PRIM1: variants seen among roughly 807,000 people sequenced by gnomAD.
PRIM1 encodes DNA primase small subunit.
In PRIM1, 38 loss-of-function variants were observed where a neutral mutation model predicts 60.2. The ratio of observed to expected loss-of-function variants is 0.63; its 90% CI spans 0.49 to 0.83. The LOEUF (loss-of-function observed/expected upper bound fraction) is 0.83, where lower values mean the gene tolerates loss of function less well. Ranked by LOEUF, PRIM1 falls within the 40% of genes least tolerant of loss-of-function variation. The probability of loss-of-function intolerance (pLI) is 0.00; values close to 1 mark genes in which losing one functional copy is unlikely to be tolerated. For synonymous variants in PRIM1, 158 were observed against 160.2 expected (o/e 0.99, Z 0.10); for missense variants, 388 against 506.2 (o/e 0.77, Z 2.24).
Position 56,743,149 on chromosome 12 carries a change from C to T in PRIM1, c.639-53G>A, listed in dbSNP as rs570473663. ...CCCAACACTATCAGTAACACATATG[C>T]CACATAGGTATTGCTGCCATTGTGG... is the stretch of plus-strand genomic sequence containing the variant. On this transcript the variant is annotated intron_variant, in intron 6 of 12. Coordinates refer to ENST00000338193, the MANE Select transcript of PRIM1 (RefSeq NM_000946.3). 11 of 1,435,002 alleles carry T rather than the reference C, an allele frequency of 7.7e-6. No homozygotes were observed. In the African/African-American group the frequency reaches 8.9e-5, roughly 12 times the overall value. 88.9% of individuals were successfully genotyped at this position (1,435,002 alleles called of 1,614,324 possible). A position where few individuals can be genotyped will look rare whatever the true frequency, so the allele number is the denominator to read the frequency against.
In PRIM1 at chr12:56,746,147, A is replaced by G; in HGVS notation, c.477T>C (p.Tyr159=). 1 of 1,613,254 alleles carries G rather than the reference A, an allele frequency of 6.2e-7. No homozygotes were observed. Among genetic ancestry groups the G allele is most frequent in the African/African-American group, 1.3e-5 (1 of 75,012 alleles). The change falls in exon 5 of 13, where the codon TAT becomes TAC. Residue 159 remains tyrosine (Y), a synonymous_variant. Transcript: ENST00000338193. ...DFGFKHRLWV[Y]SGRRGVHCWV... is the part of the protein sequence containing the mutation. ...AACAATGAACACCTCTCCTTCCAGA[A>G]TATACCCAGAGACGATGCTTAAATC...
chr12:56,752,163 T>G, intron 1 of PRIM1, 33 bp downstream of exon 1: 1 of 1,485,922 alleles, frequency 6.7e-7, no homozygotes, highest in Non-Finnish European at 9.2e-7. Flanking sequence ...CTCCTCACAC[T>G]CCGCTCCCGA....
At chr12:56,734,288 C>T in intron 11 of PRIM1, 43 bp from the exon 12 acceptor site, 1 of 1,233,186 alleles carries the variant, frequency 8.1e-7, no homozygotes, top group Non-Finnish European at 1.2e-6. Flanking sequence ...ATACTGGCAG[C>T]AAGAATAACA....
intron 10 of PRIM1, 41 bp downstream of exon 10, chr12:56,739,253 A>G: frequency 7.2e-7 from 1 of 1,381,856 alleles, no homozygotes. Flanking sequence ...AATTCATAAC[A>G]ACAATTACAA....
intron 5 of PRIM1, among the ~76,000 whole-genome samples, chr12:56,745,231 G>A (rs1029866940): frequency 1.6e-4 from 24 of 151,960 alleles, no homozygotes; most frequent in African/African-American, 5.6e-4. Flanking sequence ...GGGCAATATA[G>A]TGAGACCTTG....
At chr12:56,751,966 G>GTTT (rs66861394) in intron 1 of PRIM1, among the ~76,000 whole-genome samples, 30 of 79,346 alleles carry the variant, frequency 3.8e-4, no homozygotes, top group African/African-American at 1.3e-3. Flanking sequence ...CGGCGGCTCT[G>GTTT]TTTTTTTTTT....
In PRIM1 at chr12:56,731,722, T is replaced by C; in HGVS notation, c.1256A>G (p.Asp419Gly). ...ELLKKSDLQK[D>G]F ...GTTTGAGGAGCTCTGTCTTCAGAAATCTTTTTGTAAATCTAAAATAGAATA... is the reference window on the plus strand; with the variant it reads ...GTTTGAGGAGCTCTGTCTTCAGAAACCTTTTTGTAAATCTAAAATAGAATA... The change falls in exon 13 of 13, where the codon GAT becomes GGT. Residue 419 changes from aspartate to glycine, a missense_variant. Asp to Gly is a moderately conservative substitution (Grantham distance 94). Around this residue, in one of 3 missense-constraint regions of PRIM1, gnomAD observed 211 missense variants for 277.9 expected, o/e 0.76. Coordinates refer to ENST00000338193, the MANE Select transcript of PRIM1 (RefSeq NM_000946.3). 1.3e-6 allele frequency: 2 copies of C among 1,516,874 alleles called. No homozygotes were observed. Among genetic ancestry groups the C allele is most frequent in the Admixed American group, 2.0e-5 (1 of 49,402 alleles). 94.0% of individuals were successfully genotyped at this position (1,516,874 alleles called of 1,614,324 possible).
chr12:56,752,307 G>A lies in PRIM1; in HGVS notation c.-9C>T. Reference sequence around the variant, plus strand: ...GGGTCAAACGTCTCCATTGAGCGCGGAACTCGCCACGGTAAGGATTACCAC... The same window carrying A: ...GGGTCAAACGTCTCCATTGAGCGCGAAACTCGCCACGGTAAGGATTACCAC... On this transcript the variant is annotated 5_prime_UTR_variant, in exon 1 of 13. Coordinates refer to ENST00000338193, the MANE Select transcript of PRIM1 (RefSeq NM_000946.3). 6.4e-7 allele frequency: 1 copy of A among 1,558,800 alleles called. No homozygotes were observed. Among genetic ancestry groups the A allele is most frequent in the Middle Eastern group, 1.7e-4 (1 of 5,970 alleles).
chr12:56,746,834 T>C lies in PRIM1; in HGVS notation c.389A>G (p.Lys130Arg). Residue 130 changes from lysine (K) to arginine (R), a missense_variant, in exon 4 of 13, where the codon AAG (lysine) becomes AGG (arginine). This residue lies in a region of PRIM1 where 156 missense variants were observed against 175.8 expected (regional missense o/e 0.89). Transcript: ENST00000338193. ...GGCCATTGTCATGAGGGTCCAGCAC[T>C]TAGGACATATGTCTGCAGAACTAAA... ...RCCSSADICPKCWTLMTMAIR... is the reference protein window; with the variant it reads ...RCCSSADICPRCWTLMTMAIR... The C allele has an allele frequency of 6.2e-7, 1 of 1,613,928 alleles. No homozygotes were observed. The highest frequency in any genetic ancestry group is 8.5e-7 in the Non-Finnish European group (1 of 1,179,870).
intron 12 of PRIM1, 45 bp downstream of exon 12, chr12:56,734,102 A>C (rs373197750): frequency 2.2e-5 from 30 of 1,366,166 alleles, no homozygotes; most frequent in African/African-American, 2.2e-4. Context: ...ATTTCTACTA[A>C]TAATAAGATC....
intron 5 of PRIM1, among the ~76,000 whole-genome samples, chr12:56,745,013 A>G (rs905064263): frequency 6.6e-6 from 1 of 151,772 alleles, no homozygotes; most frequent in Non-Finnish European, 1.5e-5. Context: ...AGGCTGAGAC[A>G]GGAGAATTGC....
At chr12:56,746,246 A>G in intron 4 of PRIM1, 65 bp from the exon 5 acceptor site, 4 of 1,518,884 alleles carry the variant, frequency 2.6e-6, no homozygotes, top group Non-Finnish European at 2.7e-6. Flanking sequence ...ATGTATATTA[A>G]ATTACTTGTT....
chr12:56,751,349 G>T, intron 1 of PRIM1, 154 bp from the exon 2 acceptor site: 1 of 493,340 alleles, frequency 2.0e-6, no homozygotes, highest in Non-Finnish European at 3.4e-6. Context: ...GCTCGATAAA[G>T]GCTCACTGCA....
chr12:56,741,660 A>C, intron 8 of PRIM1, 84 bp from the exon 9 acceptor site: 1 of 1,574,636 alleles, frequency 6.4e-7, no homozygotes, highest in Non-Finnish European at 8.6e-7. Context: ...ACGATCTTCA[A>C]CCATCTTTAA....
At position 56,739,424 on chromosome 12, in the gene PRIM1, C is replaced by T. The variant is rs750200539; in HGVS notation, c.983-61G>A. 3.9e-5 allele frequency: 46 copies of T among 1,169,592 alleles called. No individual in the cohort carries two copies. In the Middle Eastern group the frequency reaches 6.2e-4, roughly 16 times the overall value. The allele number at this position is 1,169,592 out of a possible 1,614,324, so 72.5% of individuals were successfully genotyped here. A position where few individuals can be genotyped will look rare whatever the true frequency, so the allele number is the denominator to read the frequency against. On this transcript the variant is annotated intron_variant, in intron 9 of 12. Coordinates refer to ENST00000338193, the MANE Select transcript of PRIM1 (RefSeq NM_000946.3). Reference sequence around the variant, plus strand: ...GACTATAAATCATTATAGTCATCTCCTACAGGTTATTTTTGGTTAAAATTT... The same window carrying T: ...GACTATAAATCATTATAGTCATCTCTTACAGGTTATTTTTGGTTAAAATTT...
At chr12:56,741,920 C>T in intron 7 of PRIM1, 83 bp from the exon 8 acceptor site, 1 of 1,205,644 alleles carries the variant, frequency 8.3e-7, no homozygotes, top group Admixed American at 1.8e-5. Flanking sequence ...ACAAGGGTGT[C>T]TTACAAATAT....
chr12:56,741,741 T>C lies in PRIM1; in HGVS notation c.840+5A>G, dbSNP rs1477085582. The stretch of plus-strand genomic sequence containing the variant: ...ATCTGTAATACAGATTTCAGTGGCA[T>C]ATACCTGATATCTGCTGGCTACTTT... On this transcript the variant is annotated splice_donor_5th_base_variant and intron_variant, in intron 8 of 12. Coordinates refer to ENST00000338193, the MANE Select transcript of PRIM1 (RefSeq NM_000946.3). 6.2e-7 allele frequency: 1 copy of C among 1,612,244 alleles called. No individual in the cohort carries two copies. The highest frequency in any genetic ancestry group is 1.1e-5 in the South Asian group (1 of 90,978).
At chr12:56,746,639 C>T in intron 4 of PRIM1, 142 bp downstream of exon 4, 1 of 616,702 alleles carries the variant, frequency 1.6e-6, no homozygotes, top group Non-Finnish European at 2.8e-6. Context: ...CACACACACA[C>T]ACACACACAC....
At chr12:56,733,044 G>A (rs185212945) in intron 12 of PRIM1, among the ~76,000 whole-genome samples, 12 of 150,550 alleles carry the variant, frequency 8.0e-5, no homozygotes, top group African/African-American at 2.4e-4. Flanking sequence ...TAGTAGAGAC[G>A]GGGTTTCACC....
Sources: gnomAD v4.1 joint callset for allele counts (sites outside exome capture counted in the v4.1 genomes callset) on GRCh38, gnomAD v4.1.1 for gene constraint, gnomAD v4.1.1 regional missense constraint, MANE v1.5 for transcripts, NCBI Gene and HGNC (gene_info 2026-07-23, HGNC 2026-07-21) for gene names.